The following PIEZO1 variants were observed in gnomAD, a reference collection of about 807,000 sequenced individuals.
The protein encoded by PIEZO1 is piezo type mechanosensitive ion channel component 1 (Er blood group).
Under a neutral mutation model 297.2 loss-of-function variants are expected in PIEZO1, and 296 were observed. The ratio of observed to expected loss-of-function variants is 1.00; its 90% CI spans 0.91 to 1.10. The LOEUF is 1.10. PIEZO1 is among the 50% of genes least tolerant of loss of function. The pLI, the probability that PIEZO1 is intolerant of heterozygous loss-of-function variation, is 0.00. For missense variants in PIEZO1, 5,018 were observed against 3,455.5 expected (o/e 1.45, Z -11.34); for synonymous variants, 2,427 against 1,507.5 (o/e 1.61, Z -14.13).
At chr16:88,732,240 G>C in intron 21 of PIEZO1, 95 bp downstream of exon 21, 1 of 1,133,584 alleles carries the variant, frequency 8.8e-7, no homozygotes, top group Non-Finnish European at 1.3e-6. Context: ...GGCAAACCCA[G>C]GTGGGGCCAG....
intron 1 of PIEZO1, among the ~76,000 whole-genome samples, chr16:88,759,071 T>C (rs539497587): frequency 6.6e-6 from 1 of 152,340 alleles, no homozygotes; most frequent in South Asian, 2.1e-4. Context: ...AATGTTTTCA[T>C]GCGTTGCTGG....
intron 10 of PIEZO1, 96 bp downstream of exon 10, chr16:88,737,463 C>T (rs926432935): frequency 3.7e-6 from 3 of 812,846 alleles, no homozygotes; most frequent in East Asian, 5.6e-5. Flanking sequence ...AGGTGCGGCG[C>T]GAGCATGCGA....
chr16:88,735,348 G>A lies in PIEZO1; in HGVS notation c.1558-102C>T, dbSNP rs115811648. 2.0e-3 allele frequency: 1,659 copies of A among 820,050 alleles called. 24 individuals are homozygous for A. The African/African-American group carries it at 0.025, about 12-fold the overall frequency. 50.8% of individuals were successfully genotyped at this position (820,050 alleles called of 1,614,324 possible). On this transcript the variant is annotated intron_variant, in intron 12 of 50. Transcript: ENST00000301015. ...CTATAGCAGGGGGCAAGAGCTCTCA[G>A]GCGGCTGGCACCAGCCCATCCACCG...
rs953643803 is a variant in PIEZO1 at position 88,716,235 on chromosome 16, G to A, written c.7092C>T (p.Asn2364=). Residue 2364 remains asparagine (N), a synonymous_variant, in exon 49 of 51, where the codon AAC becomes AAT. Coordinates refer to ENST00000301015, the MANE Select transcript of PIEZO1 (RefSeq NM_001142864.4). Reference sequence around the variant, plus strand: ...GCTTCACAGGGTTGGCTTCGGGCCCGTTGGGGGCACGGATGTACTTGGGGA... The same window carrying A: ...GCTTCACAGGGTTGGCTTCGGGCCCATTGGGGGCACGGATGTACTTGGGGA... ...NLFPKYIRAP[N]GPEANPVKQL... 2.2e-5 allele frequency: 33 copies of A among 1,496,876 alleles called. No homozygotes were observed. Among genetic ancestry groups the A allele is most frequent in the South Asian group, 1.1e-4 (8 of 75,222 alleles). 92.7% of individuals were successfully genotyped at this position (1,496,876 alleles called of 1,614,324 possible).
intron 2 of PIEZO1, chr16:88,742,641 G>T (rs549702943): frequency 3.7e-6 from 2 of 540,534 alleles, no homozygotes; most frequent in East Asian, 6.6e-5. Context: ...TCCTCCTGGG[G>T]GTGGCAGCAG....
rs143052895 is a variant in PIEZO1, at chr16:88,772,478, C to T, written c.64+12423G>A. Among the ~76,000 whole-genome samples the T allele has an allele frequency of 6.1e-3, 922 of 152,312 alleles. 24 individuals carry two copies. The highest frequency in any genetic ancestry group is 0.042 in the Admixed American group (640 of 15,292). ...GGTGGCAGAGGGCACGGCTTCCTCC[C>T]TCATAAAAAGGCCCGTGCCTGGCAG... On this transcript the variant is annotated intron_variant, in intron 1 of 50. Transcript: ENST00000301015.
rs1026059448 is a variant in PIEZO1 at position 88,721,780 on chromosome 16, C to T, written c.5214+28G>A. The T allele has an allele frequency of 3.7e-5, 56 of 1,534,176 alleles. 1 individual carries two copies. The highest frequency in any genetic ancestry group is 1.5e-4 in the African/African-American group (11 of 72,628). On this transcript the variant is annotated intron_variant, in intron 37 of 50. Transcript: ENST00000301015. ...GAGGGTCACGGCGCGGTGGGCCGGGCGCCCCCTCCCCCGCGGCCTCGGCCC... is the reference window on the plus strand; with the variant it reads ...GAGGGTCACGGCGCGGTGGGCCGGGTGCCCCCTCCCCCGCGGCCTCGGCCC...
At chr16:88,729,990 G>A (rs891743280) in intron 22 of PIEZO1, among the ~76,000 whole-genome samples, 5 of 152,282 alleles carry the variant, frequency 3.3e-5, no homozygotes, top group South Asian at 2.1e-4. Context: ...TGGCGCAGCC[G>A]CGTGGAAGGA....
At chr16:88,718,840 T>A (rs967232360) in intron 44 of PIEZO1, 1 of 153,770 alleles carries the variant, frequency 6.5e-6, no homozygotes, top group Non-Finnish European at 1.5e-5. Context: ...CCAGAGTAGC[T>A]GGGAGCACAA....
At chr16:88,747,889 A>AGGGG (rs1212144782) in intron 2 of PIEZO1, among the ~76,000 whole-genome samples, 2 of 152,198 alleles carry the variant, frequency 1.3e-5, no homozygotes, top group East Asian at 3.9e-4. Context: ...AGATGGAGGG[A>AGGGG]GGGGCCCCAA....
At chr16:88,778,234 A>G (rs1040022459) in intron 1 of PIEZO1, among the ~76,000 whole-genome samples, 1 of 152,126 alleles carries the variant, frequency 6.6e-6, no homozygotes, top group Non-Finnish European at 1.5e-5. Flanking sequence ...TGTGGCACCG[A>G]GAGCCGGCCT....
At position 88,742,490 on chromosome 16, in the gene PIEZO1, C is replaced by A. The variant is rs373261298; in HGVS notation, c.161-68G>T. On this transcript the variant is annotated intron_variant, in intron 2 of 50. Coordinates refer to ENST00000301015, the MANE Select transcript of PIEZO1 (RefSeq NM_001142864.4). ...AGGGGCCGCAGCCCAGGCCGCTCAG[C>A]CGGACAATAGCCCCCAGCCCGGCCA... The A allele has an allele frequency of 4.7e-5, 70 of 1,484,782 alleles. 1 individual carries two copies. The African/African-American group carries it at 8.8e-4, about 19-fold the overall frequency. 92.0% of individuals were successfully genotyped at this position (1,484,782 alleles called of 1,614,324 possible). A position where few individuals can be genotyped will look rare whatever the true frequency, so the allele number is the denominator to read the frequency against.
At position 88,726,652 on chromosome 16, in the gene PIEZO1, GAGCAGGGTC is replaced by G. The variant is rs1389265159; in HGVS notation, c.3700-18_3700-10del. 4 of 1,288,572 alleles carry G rather than the reference GAGCAGGGTC, an allele frequency of 3.1e-6. No individual in the cohort carries two copies. Among genetic ancestry groups the G allele is most frequent in the African/African-American group, 1.4e-5 (1 of 69,762 alleles). The allele number at this position is 1,288,572 out of a possible 1,614,324, so 79.8% of individuals were successfully genotyped here. The stretch of plus-strand genomic sequence containing the variant: ...AAGACGCAGGCCAGGAGCTGGGGGA[GAGCAGGGTC>G]AGCGGGGCCAGCGGGGCCCCAGGGC... On this transcript the variant is annotated splice_polypyrimidine_tract_variant and intron_variant, in intron 25 of 50. Transcript: ENST00000301015.
intron 10 of PIEZO1, chr16:88,737,146 G>A (rs1433786417): frequency 2.4e-5 from 6 of 247,580 alleles, no homozygotes; most frequent in South Asian, 1.2e-4. Context: ...CTCCCAAGGC[G>A]ACGTGGCCAA....
chr16:88,756,801 G>A (rs1161297135), intron 1 of PIEZO1, among the ~76,000 whole-genome samples: 1 of 151,286 alleles, frequency 6.6e-6, no homozygotes, highest in Non-Finnish European at 1.5e-5. Flanking sequence ...AACAAGCCAG[G>A]TGCAGTGGCT....
At chr16:88,771,229 C>G (rs1367664009) in intron 1 of PIEZO1, among the ~76,000 whole-genome samples, 2 of 152,332 alleles carry the variant, frequency 1.3e-5, no homozygotes, top group East Asian at 1.9e-4. Context: ...ACCCAGTGAC[C>G]CCCCCTTGGG....
chr16:88,722,449 G>A (rs927979272), intron 35 of PIEZO1, 52 bp from the exon 36 acceptor site: 3 of 1,461,850 alleles, frequency 2.1e-6, no homozygotes, highest in South Asian at 1.4e-5. Context: ...CCTGACCCCA[G>A]GCTACAGGGA....
intron 44 of PIEZO1, chr16:88,717,525 G>T: frequency 3.7e-6 from 2 of 533,738 alleles, no homozygotes; most frequent in Non-Finnish European, 7.2e-6. Flanking sequence ...CATACCATGT[G>T]CCAAAATTTA....
chr16:88,721,516 G>A (rs1028814979), intron 38 of PIEZO1, 22 bp downstream of exon 38: 3 of 1,542,342 alleles, frequency 1.9e-6, no homozygotes, highest in African/African-American at 2.7e-5. Flanking sequence ...GCCCCGCATT[G>A]CCAGCCAAGG....
Sources: gnomAD v4.1 joint callset for allele counts (sites outside exome capture counted in the v4.1 genomes callset) on GRCh38, gnomAD v4.1.1 for gene constraint, MANE v1.5 for transcripts, NCBI Gene and HGNC (gene_info 2026-07-23, HGNC 2026-07-21) for gene names.